Variants in DDX46 observed in about 807,000 individuals in gnomAD.
DDX46 encodes DEAD-box helicase 46, also known as probable ATP-dependent RNA helicase DDX46.
In DDX46, 30 loss-of-function variants were observed where a neutral mutation model predicts 134.9. The ratio of observed to expected loss-of-function variants is 0.22; its 90% CI spans 0.17 to 0.30. DDX46 has a LOEUF of 0.30. DDX46 is among the 10% of genes least tolerant of loss of function. The pLI is 1.00. For missense variants in DDX46, 622 were observed against 1,248.7 expected (o/e 0.50, Z 7.56); for synonymous variants, 415 against 404.1 (o/e 1.03, Z -0.32).
At chr5:134,803,244 T>A (rs747927434) in intron 15 of DDX46, among the ~76,000 whole-genome samples, 10 of 152,198 alleles carry the variant, frequency 6.6e-5, no homozygotes, top group Non-Finnish European at 1.2e-4. Context: ...TCCACCCACC[T>A]TGGCCTCCCA....
intron 12 of DDX46, among the ~76,000 whole-genome samples, chr5:134,789,511 T>C (rs1417883659): frequency 6.6e-6 from 1 of 152,170 alleles, no homozygotes; most frequent in Non-Finnish European, 1.5e-5. Context: ...GTTGGCAAAG[T>C]GACATCGAAA....
chr5:134,809,424 G>C (rs1003833758), intron 16 of DDX46, among the ~76,000 whole-genome samples: 2 of 152,076 alleles, frequency 1.3e-5, no homozygotes, highest in Non-Finnish European at 2.9e-5. Flanking sequence ...CTGGAGTGCA[G>C]TGGCATGATC....
intron 16 of DDX46, among the ~76,000 whole-genome samples, chr5:134,810,937 C>G (rs1444463246): frequency 5.9e-5 from 9 of 151,928 alleles, no homozygotes; most frequent in Admixed American, 4.6e-4. Context: ...ACCCGGGAGG[C>G]AGAGGTTGCA....
intron 5 of DDX46, among the ~76,000 whole-genome samples, chr5:134,776,828 G>A (rs888283993): frequency 1.3e-5 from 2 of 150,672 alleles, no homozygotes; most frequent in African/African-American, 2.4e-5. Flanking sequence ...CAGGAGAATC[G>A]CTTGAACCCA....
chr5:134,789,800 T>TA (rs1754451195), intron 12 of DDX46, among the ~76,000 whole-genome samples: 2 of 152,310 alleles, frequency 1.3e-5, no homozygotes, highest in South Asian at 4.1e-4. Flanking sequence ...TTTCACTGGT[T>TA]AGGAAGCCAG....
chr5:134,766,344 G>A (rs551716489), intron 2 of DDX46, among the ~76,000 whole-genome samples: 16 of 151,386 alleles, frequency 1.1e-4, no homozygotes, highest in Middle Eastern at 3.4e-3. Flanking sequence ...GATCACCTGC[G>A]GTTGGGAGTT....
chr5:134,767,342 C>CT (rs1008712277), intron 3 of DDX46, among the ~76,000 whole-genome samples: 1 of 152,028 alleles, frequency 6.6e-6, no homozygotes. Context: ...TGTAGAAACT[C>CT]TGTCATTTTC....
rs1164262907 is a variant in DDX46, at chr5:134,768,438, A to G, written c.350+1378A>G. 2.0e-5 allele frequency among the ~76,000 whole-genome samples: 3 copies of G among 151,342 alleles called. No homozygotes were observed. In the East Asian group the frequency reaches 5.8e-4, roughly 29 times the overall value. On this transcript the variant is annotated intron_variant, in intron 3 of 22. Transcript: ENST00000452510. The stretch of plus-strand genomic sequence containing the variant: ...AAAATTTTTAAATTGCTCTAGGGAT[A>G]TCTAGTATCCTTTTATGAAATAAGA...
In DDX46 at chr5:134,811,215, C is replaced by CATT; in HGVS notation, c.2149-4_2149-2dup. 6.2e-7 allele frequency: 1 copy of CATT among 1,612,592 alleles called. No homozygotes were observed. Among genetic ancestry groups the CATT allele is most frequent in the Non-Finnish European group, 8.5e-7 (1 of 1,179,234 alleles). On this transcript the variant is annotated splice_region_variant and splice_polypyrimidine_tract_variant and intron_variant, in intron 16 of 22. Transcript: ENST00000452510. ...CTAATAATTGTACTTTTTCATCATGCATTAGGGTTATGCTTATACTTTTAT... is the reference window on the plus strand; with the variant it reads ...CTAATAATTGTACTTTTTCATCATGCATTATTAGGGTTATGCTTATACTTTTAT...
At chr5:134,763,523 T>C (rs1753461645) in intron 1 of DDX46, among the ~76,000 whole-genome samples, 1 of 152,212 alleles carries the variant, frequency 6.6e-6, no homozygotes, top group Admixed American at 6.6e-5. Flanking sequence ...TATATCTACA[T>C]GGCTCCTTTA....
chr5:134,782,124 A>G (rs1392521227), intron 8 of DDX46, 38 bp downstream of exon 8: 5 of 1,534,050 alleles, frequency 3.3e-6, no homozygotes, highest in Non-Finnish European at 4.4e-6. Context: ...TTATAAGGGA[A>G]CAGAAGAGGA....
At chr5:134,796,572 A>T (rs1441844305) in intron 15 of DDX46, among the ~76,000 whole-genome samples, 1 of 152,088 alleles carries the variant, frequency 6.6e-6, no homozygotes, top group African/African-American at 2.4e-5. Context: ...CAAAACACAG[A>T]CCGGGCATGG....
chr5:134,799,176 G>C lies in DDX46; in HGVS notation c.1954+3026G>C, dbSNP rs117694045. On this transcript the variant is annotated intron_variant, in intron 15 of 22. Transcript: ENST00000452510. ...CTGAGCGATGACTACATTTGTTTAT[G>C]ATTTTTTTAGCTACTATTCTTTGTC... 8.5e-3 allele frequency among the ~76,000 whole-genome samples: 1,295 copies of C among 152,132 alleles called. 6 individuals are homozygous for C. Among genetic ancestry groups the C allele is most frequent in the Middle Eastern group, 0.041 (12 of 294 alleles).
chr5:134,824,071 G>A (rs1321958171), intron 21 of DDX46, among the ~76,000 whole-genome samples: 1 of 152,110 alleles, frequency 6.6e-6, no homozygotes, highest in Non-Finnish European at 1.5e-5. Context: ...TTCAATTTAT[G>A]TATAACTTTA....
At chr5:134,766,882 G>A in intron 2 of DDX46, 35 bp from the exon 3 acceptor site, 1 of 1,589,786 alleles carries the variant, frequency 6.3e-7, no homozygotes, top group Non-Finnish European at 8.5e-7. Context: ...AGCTCCATTT[G>A]GTCATAGAAT....
chr5:134,795,452 C>T (rs571879999), intron 14 of DDX46, among the ~76,000 whole-genome samples: 11 of 152,228 alleles, frequency 7.2e-5, no homozygotes, highest in African/African-American at 2.2e-4. Context: ...TGGAGCACAT[C>T]TGTGAATAGC....
intron 15 of DDX46, among the ~76,000 whole-genome samples, chr5:134,802,939 C>G (rs1228105769): frequency 6.6e-6 from 1 of 152,106 alleles, no homozygotes; most frequent in Admixed American, 6.6e-5. Context: ...TTGGCAGAAC[C>G]CAGCATCCAA....
At position 134,777,560 on chromosome 5, in the gene DDX46, T is replaced by C. The variant is rs372437189; in HGVS notation, c.614-14T>C. 17 of 1,612,092 alleles carry C rather than the reference T, an allele frequency of 1.1e-5. No individual in the cohort carries two copies. In the African/African-American group the frequency reaches 1.6e-4, roughly 15 times the overall value. ...TAAACAGATGTTTAAAGAATGTGTA[T>C]TCTGGTATTTTAGATGACGAAGATG... On this transcript the variant is annotated splice_polypyrimidine_tract_variant and intron_variant, in intron 5 of 22. Transcript: ENST00000452510.
rs368538485 is a variant in DDX46 at position 134,782,901 on chromosome 5, T to G, written c.1046-44T>G. 209 of 1,598,734 alleles carry G rather than the reference T, an allele frequency of 1.3e-4. 1 individual carries two copies. The highest frequency in any genetic ancestry group is 2.9e-4 in the Admixed American group (17 of 57,780). ...CTAATTGAAAAGTAGAAGACACCAA[T>G]AGAACAATATTTAAGAACTTTTAAT... On this transcript the variant is annotated intron_variant, in intron 8 of 22. Coordinates refer to ENST00000452510, the MANE Select transcript of DDX46 (RefSeq NM_001300860.2).
Sources: allele counts gnomAD v4.1 joint callset (sites outside exome capture counted in the v4.1 genomes callset), GRCh38; gene constraint gnomAD v4.1.1; transcripts MANE v1.5; gene names NCBI Gene and HGNC (gene_info 2026-07-23, HGNC 2026-07-21).